Variants in CNTN4 observed in about 807,000 individuals in gnomAD.
The protein encoded by CNTN4 is contactin 4.
CNTN4 carries 77 observed loss-of-function variants against 122.5 expected under a neutral mutation model. The observed-to-expected ratio is 0.63, with a 90% confidence interval of 0.52 to 0.76. CNTN4 has a LOEUF of 0.76. Among genes scored for constraint, CNTN4 ranks in the 30% least tolerant of loss-of-function variants. The pLI is 0.00. For missense variants in CNTN4, 1,256 were observed against 1,259.1 expected, an observed-to-expected ratio of 1.00 and a Z score of 0.04; for synonymous variants, 512 against 447.0, an observed-to-expected ratio of 1.15 and a Z score of -1.83.
At chr3:2,700,995 T>C (rs1053969394) in intron 4 of CNTN4, among the ~76,000 whole-genome samples, 2 of 152,200 alleles carry the variant, frequency 1.3e-5, no homozygotes, top group Non-Finnish European at 2.9e-5. Flanking sequence ...TGGGATCAGG[T>C]GAAATTGCTC....
chr3:2,280,239 C>T (rs1325085170), intron 2 of CNTN4, among the ~76,000 whole-genome samples: 16 of 152,082 alleles, frequency 1.1e-4, no homozygotes, highest in African/African-American at 2.7e-4. Context: ...GGATTACAGG[C>T]GTGAGCCACT....
chr3:2,533,033 T>C (rs992375876), intron 3 of CNTN4, among the ~76,000 whole-genome samples: 19 of 152,142 alleles, frequency 1.2e-4, no homozygotes, highest in African/African-American at 4.3e-4. Context: ...TGAATCTTGT[T>C]TTCATTATTG....
chr3:2,646,453 C>T (rs192235580), intron 4 of CNTN4, among the ~76,000 whole-genome samples: 31 of 152,238 alleles, frequency 2.0e-4, no homozygotes, highest in Admixed American at 1.5e-3. Flanking sequence ...ATTTTTACCT[C>T]GTATAATCGT....
intron 2 of CNTN4, among the ~76,000 whole-genome samples, chr3:2,232,833 G>C (rs2039541334): frequency 6.6e-6 from 1 of 151,958 alleles, no homozygotes; most frequent in African/African-American, 2.4e-5. Flanking sequence ...CTACATAATG[G>C]CTTGATCAAG....
rs74526048 is a variant in CNTN4, at chr3:2,840,624, G to T, written c.454+21043G>T. 7.3e-5 allele frequency among the ~76,000 whole-genome samples: 9 copies of T among 122,616 alleles called. 1 individual carries two copies. The highest frequency in any genetic ancestry group is 2.3e-4 in the East Asian group (1 of 4,404). 80.4% of individuals were successfully genotyped at this position (122,616 alleles called of 152,430 possible). ...TGAGGCGGGAGAATGGCGGGAACCC[G>T]GGAGGCGGAGCTTGCAGTGAGCCAA... On this transcript the variant is annotated intron_variant, in intron 7 of 24. Coordinates refer to ENST00000418658, the MANE Select transcript of CNTN4 (RefSeq NM_175607.3).
At chr3:2,755,468 A>T (rs1468199108) in intron 6 of CNTN4, among the ~76,000 whole-genome samples, 1 of 152,192 alleles carries the variant, frequency 6.6e-6, no homozygotes, top group Non-Finnish European at 1.5e-5. Flanking sequence ...TAGGTAGAAG[A>T]AGTCAAACCC....
intron 2 of CNTN4, among the ~76,000 whole-genome samples, chr3:2,296,122 A>G (rs9811603): frequency 0.31 from 47,614 of 151,734 alleles, 7,980 homozygotes; most frequent in East Asian, 0.57. Flanking sequence ...GATGCCTCCA[A>G]CTTTGTTCTT....
At chr3:2,200,798 A>G (rs2140361) in intron 2 of CNTN4, among the ~76,000 whole-genome samples, 6,811 of 152,222 alleles carry the variant, frequency 0.045, 264 homozygotes, top group African/African-American at 0.11. Context: ...AATGTGGTGC[A>G]TTTTGAATGT....
At chr3:2,414,620 A>G (rs1482695770) in intron 3 of CNTN4, among the ~76,000 whole-genome samples, 1 of 152,134 alleles carries the variant, frequency 6.6e-6, no homozygotes, top group Non-Finnish European at 1.5e-5. Context: ...AGTAGATTAT[A>G]AAGGAAAACA....
rs1428972660 is a variant in CNTN4 at position 2,168,824 on chromosome 3, T to C, written c.-145+68185T>C. 2.0e-5 allele frequency among the ~76,000 whole-genome samples: 3 copies of C among 152,152 alleles called. No homozygotes were observed. The East Asian group carries it at 5.8e-4, about 29-fold the overall frequency. On this transcript the variant is annotated intron_variant, in intron 2 of 24. Transcript: ENST00000418658. The stretch of plus-strand genomic sequence containing the variant: ...ATGTAATACTTGCAAGCAGATTTGG[T>C]GATTTGCTTGGAAAAAGAAAGAACC...
chr3:2,543,095 C>A (rs550153208), intron 3 of CNTN4, among the ~76,000 whole-genome samples: 4 of 152,140 alleles, frequency 2.6e-5, no homozygotes, highest in African/African-American at 9.6e-5. Flanking sequence ...TTATTTAGTT[C>A]TTCATTGCTC....
intron 2 of CNTN4, among the ~76,000 whole-genome samples, chr3:2,237,477 A>G (rs987662666): frequency 2.8e-4 from 43 of 152,164 alleles, no homozygotes; most frequent in Non-Finnish European, 2.9e-5. Context: ...TGTCTCAAAA[A>G]CAAAAACAAA....
intron 4 of CNTN4, among the ~76,000 whole-genome samples, chr3:2,662,910 T>C (rs2083969762): frequency 6.6e-6 from 1 of 151,978 alleles, no homozygotes; most frequent in African/African-American, 2.4e-5. Flanking sequence ...CTGGCCAACA[T>C]GGTGAAGCCC....
intron 3 of CNTN4, among the ~76,000 whole-genome samples, chr3:2,549,365 A>C (rs563408378): frequency 6.6e-6 from 1 of 152,226 alleles, no homozygotes; most frequent in Admixed American, 6.5e-5. Flanking sequence ...TTATTTTGAG[A>C]TATGTTCCAT....
chr3:2,643,934 C>T (rs759005199), intron 4 of CNTN4, among the ~76,000 whole-genome samples: 6 of 152,130 alleles, frequency 3.9e-5, no homozygotes, highest in Non-Finnish European at 8.8e-5. Context: ...CAGATTTAAA[C>T]GCATTTTCTC....
At chr3:2,770,433 G>A (rs757014174) in intron 6 of CNTN4, among the ~76,000 whole-genome samples, 2 of 152,186 alleles carry the variant, frequency 1.3e-5, no homozygotes, top group Admixed American at 1.3e-4. Context: ...TCCCTGGTGG[G>A]GGAGGGCCAA....
intron 4 of CNTN4, among the ~76,000 whole-genome samples, chr3:2,575,785 G>A (rs1173155909): frequency 1.4e-5 from 2 of 145,510 alleles, no homozygotes; most frequent in East Asian, 4.1e-4. Context: ...TCTGAATAAT[G>A]ATATATTTTG....
chr3:2,693,109 G>A (rs777474928), intron 4 of CNTN4, among the ~76,000 whole-genome samples: 10 of 151,970 alleles, frequency 6.6e-5, no homozygotes, highest in East Asian at 1.9e-4. Context: ...AAAGTAAACC[G>A]CAAATATCCA....
chr3:2,316,734 G>A (rs567568496), intron 2 of CNTN4, among the ~76,000 whole-genome samples: 34 of 151,994 alleles, frequency 2.2e-4, no homozygotes, highest in Non-Finnish European at 3.2e-4. Flanking sequence ...ATTAATCTTA[G>A]ATGGCATGAT....
Sources: allele counts gnomAD v4.1 joint callset (sites outside exome capture counted in the v4.1 genomes callset), GRCh38; gene constraint gnomAD v4.1.1; transcripts MANE v1.5; gene names NCBI Gene and HGNC (gene_info 2026-07-23, HGNC 2026-07-21).